The following KCNMA1 variants were observed in gnomAD, a reference collection of about 807,000 sequenced individuals.
KCNMA1 encodes the protein potassium calcium-activated channel subfamily M alpha 1.
In KCNMA1, 29 loss-of-function variants were observed where a neutral mutation model predicts 140.0. The observed-to-expected ratio is 0.21, with a 90% CI of 0.15 to 0.28. The LOEUF (loss-of-function observed/expected upper bound fraction) is 0.28. Among genes scored for constraint, KCNMA1 ranks in the 10% least tolerant of loss-of-function variants. The pLI is 1.00. For synonymous variants in KCNMA1, 612 were observed against 611.9 expected (o/e 1.00, Z 0.00); for missense variants, 880 against 1,602.2 (o/e 0.55, Z 7.70).
chr10:76,954,589 A>T (rs994943995), intron 20 of KCNMA1, among the ~76,000 whole-genome samples: 1 of 152,200 alleles, frequency 6.6e-6, no homozygotes, highest in Non-Finnish European at 1.5e-5. Flanking sequence ...CCACATCTGG[A>T]ATACATGATT....
rs1408894837 is a variant in KCNMA1, at chr10:77,439,261, A to C, written c.379-35238T>G. 2.6e-5 allele frequency among the ~76,000 whole-genome samples: 4 copies of C among 152,236 alleles called. No individual in the cohort carries two copies. The East Asian group carries it at 7.7e-4, about 29-fold the overall frequency. On this transcript the variant is annotated intron_variant, in intron 1 of 27. Transcript: ENST00000286628. ...TCACCTAGATTATACCATAAACATTAAATTTTACTGTATTGCTCTATCACA... is the reference window on the plus strand; with the variant it reads ...TCACCTAGATTATACCATAAACATTCAATTTTACTGTATTGCTCTATCACA...
chr10:77,307,476 TGG>T, intron 2 of KCNMA1, among the ~76,000 whole-genome samples: 1 of 152,226 alleles, frequency 6.6e-6, no homozygotes, highest in South Asian at 2.1e-4. Context: ...AAATAGGTGT[TGG>T]GTTAGATAAT....
chr10:77,490,255 A>G (rs533452016), intron 1 of KCNMA1, among the ~76,000 whole-genome samples: 2 of 152,142 alleles, frequency 1.3e-5, no homozygotes, highest in Non-Finnish European at 2.9e-5. Context: ...TTAAATATCC[A>G]ACTCCCATAA....
chr10:77,161,719 C>T (rs918578775), intron 5 of KCNMA1, among the ~76,000 whole-genome samples: 1 of 152,180 alleles, frequency 6.6e-6, no homozygotes, highest in African/African-American at 2.4e-5. Flanking sequence ...TGAATTCTAT[C>T]CAAAGCAATA....
At chr10:76,899,532 A>G (rs1480422247) in intron 25 of KCNMA1, among the ~76,000 whole-genome samples, 1 of 152,160 alleles carries the variant, frequency 6.6e-6, no homozygotes, top group East Asian at 1.9e-4. Context: ...GGACCCAGCC[A>G]TGTCCATTTG....
At chr10:77,118,094 T>C (rs765692192) in intron 6 of KCNMA1, among the ~76,000 whole-genome samples, 2 of 152,226 alleles carry the variant, frequency 1.3e-5, no homozygotes, top group African/African-American at 4.8e-5. Flanking sequence ...TCAAATTGCA[T>C]TGCAAAGCCT....
At chr10:77,293,826 A>T (rs1207928778) in intron 2 of KCNMA1, among the ~76,000 whole-genome samples, 1 of 152,260 alleles carries the variant, frequency 6.6e-6, no homozygotes, top group Non-Finnish European at 1.5e-5. Flanking sequence ...TTCTTTCCCA[A>T]AATGCGACTA....
At chr10:76,977,744 C>A in intron 19 of KCNMA1, 1 of 661,558 alleles carries the variant, frequency 1.5e-6, no homozygotes, top group South Asian at 1.7e-5. Context: ...ACTCTACTGT[C>A]CCTACCACCC....
chr10:77,050,665 G>A (rs1248179283), intron 14 of KCNMA1, among the ~76,000 whole-genome samples: 8 of 152,330 alleles, frequency 5.3e-5, no homozygotes, highest in South Asian at 4.1e-4. Flanking sequence ...TAACAAGCTC[G>A]CAGATGACAC....
intron 13 of KCNMA1, among the ~76,000 whole-genome samples, chr10:77,077,465 C>G (rs747057319): frequency 7.9e-5 from 12 of 152,212 alleles, no homozygotes; most frequent in African/African-American, 1.2e-4. Flanking sequence ...CATGTGATTA[C>G]TGACCAGGGA....
At chr10:77,007,756 A>C (rs2153437428) in intron 18 of KCNMA1, among the ~76,000 whole-genome samples, 1 of 151,000 alleles carries the variant, frequency 6.6e-6, no homozygotes, top group Admixed American at 6.6e-5. Context: ...AAAGGAGACC[A>C]AGTATAATTT....
At chr10:77,537,529 T>C (rs1018351203) in intron 1 of KCNMA1, among the ~76,000 whole-genome samples, 11 of 152,202 alleles carry the variant, frequency 7.2e-5, no homozygotes, top group African/African-American at 2.7e-4. Flanking sequence ...CCTATGGAAA[T>C]TCCCCCCATG....
chr10:77,565,380 A>G (rs1194993904), intron 1 of KCNMA1, among the ~76,000 whole-genome samples: 1 of 152,070 alleles, frequency 6.6e-6, no homozygotes, highest in Non-Finnish European at 1.5e-5. Context: ...CCAAATTGCT[A>G]TCTTTTCAAC....
intron 2 of KCNMA1, among the ~76,000 whole-genome samples, chr10:77,299,238 A>G (rs2075987591): frequency 6.6e-6 from 1 of 152,250 alleles, no homozygotes; most frequent in Admixed American, 6.5e-5. Context: ...TCCCATTAAA[A>G]GAAACAAAAC....
intron 20 of KCNMA1, among the ~76,000 whole-genome samples, chr10:76,956,892 G>T (rs376298107): frequency 6.6e-6 from 1 of 152,098 alleles, no homozygotes; most frequent in East Asian, 1.9e-4. Flanking sequence ...GGAGGCCAAG[G>T]TGGGCGGATC....
chr10:77,485,486 C>T (rs1431056022), intron 1 of KCNMA1, among the ~76,000 whole-genome samples: 3 of 152,188 alleles, frequency 2.0e-5, no homozygotes, highest in East Asian at 1.9e-4. Context: ...GAGGAAAAGC[C>T]GTTTCCTTTC....
At position 77,464,737 on chromosome 10, in the gene KCNMA1, G is replaced by A. The variant is rs943860133; in HGVS notation, c.379-60714C>T. Among the ~76,000 whole-genome samples, 12 of 152,172 alleles carry A rather than the reference G, an allele frequency of 7.9e-5. No individual in the cohort carries two copies. In the East Asian group the frequency reaches 2.3e-3, roughly 29 times the overall value. On this transcript the variant is annotated intron_variant, in intron 1 of 27. Coordinates refer to ENST00000286628, the MANE Select transcript of KCNMA1 (RefSeq NM_001161352.2). ...GAAACTCTTTTAAGTACCTCAAGGTGCCCACGTCCTTGACAGCTGACCCAG... is the reference window on the plus strand; with the variant it reads ...GAAACTCTTTTAAGTACCTCAAGGTACCCACGTCCTTGACAGCTGACCCAG...
intron 1 of KCNMA1, among the ~76,000 whole-genome samples, chr10:77,630,760 C>A (rs894806366): frequency 2.8e-4 from 43 of 152,106 alleles, no homozygotes; most frequent in African/African-American, 1.0e-3. Flanking sequence ...CACACTGGAT[C>A]TTCTGAATCA....
intron 1 of KCNMA1, among the ~76,000 whole-genome samples, chr10:77,495,837 C>A (rs758940447): frequency 2.6e-5 from 4 of 152,186 alleles, no homozygotes; most frequent in African/African-American, 4.8e-5. Context: ...GGGACTGACC[C>A]CTCCATTCCC....
Sources: allele counts gnomAD v4.1 joint callset (sites outside exome capture counted in the v4.1 genomes callset), GRCh38; gene constraint gnomAD v4.1.1; transcripts MANE v1.5; gene names NCBI Gene and HGNC (gene_info 2026-07-23, HGNC 2026-07-21).